TRAPPC8: variants seen among roughly 807,000 people sequenced by gnomAD.
TRAPPC8 encodes the protein general sporulation gene 1 homolog.
TRAPPC8 carries 54 observed loss-of-function variants against 174.3 expected under a neutral mutation model. The observed-to-expected ratio is 0.31, with a 90% CI of 0.25 to 0.39. The LOEUF (loss-of-function observed/expected upper bound fraction) is 0.39, where lower values mean the gene tolerates loss of function less well. TRAPPC8 is among the 10% of genes least tolerant of loss of function. The pLI is 1.00. For missense variants in TRAPPC8, 1,531 were observed against 1,699.1 expected (o/e 0.90, Z 1.74); for synonymous variants, 630 against 579.9 (o/e 1.09, Z -1.24).
At chr18:31,919,000 T>G (rs2037263146) in intron 2 of TRAPPC8, among the ~76,000 whole-genome samples, 1 of 152,184 alleles carries the variant, frequency 6.6e-6, no homozygotes, top group South Asian at 2.1e-4. Context: ...TTCTTTCTGC[T>G]TATATTATAA....
chr18:31,889,228 T>C (rs759956171), intron 12 of TRAPPC8, among the ~76,000 whole-genome samples: 3 of 152,182 alleles, frequency 2.0e-5, no homozygotes, highest in Non-Finnish European at 2.9e-5. Context: ...AAGAGGTGAT[T>C]ACGAAGCCAG....
chr18:31,884,147 C>T (rs1051751420), intron 12 of TRAPPC8, among the ~76,000 whole-genome samples: 3 of 152,152 alleles, frequency 2.0e-5, no homozygotes, highest in South Asian at 4.1e-4. Context: ...CGAGATGGAG[C>T]CACTTCACTG....
intron 2 of TRAPPC8, chr18:31,926,361 C>T (rs1041768789): frequency 1.3e-5 from 2 of 151,930 alleles, no homozygotes; most frequent in East Asian, 3.9e-4. Context: ...TTGAAGGAGC[C>T]ATTGATAAAT....
chr18:31,898,731 G>A (rs1049624837), intron 10 of TRAPPC8, among the ~76,000 whole-genome samples: 5 of 152,112 alleles, frequency 3.3e-5, no homozygotes, highest in Admixed American at 3.3e-4. Flanking sequence ...TGATTTTGTG[G>A]ACTACTACAT....
intron 20 of TRAPPC8, among the ~76,000 whole-genome samples, chr18:31,856,807 C>CTTTTTTTT (rs79712667): frequency 1.8e-5 from 2 of 109,938 alleles, no homozygotes; most frequent in African/African-American, 4.0e-5. Flanking sequence ...ATGCTAAAAT[C>CTTTTTTTT]TTTTTTTTTT....
At chr18:31,873,650 A>G (rs1178739539) in intron 13 of TRAPPC8, 112 bp from the exon 14 acceptor site, 3 of 668,936 alleles carry the variant, frequency 4.5e-6, no homozygotes, top group Non-Finnish European at 7.5e-6. Context: ...CAAGAATATT[A>G]AGATATGTAA....
At chr18:31,892,951 C>T (rs1422752298) in intron 11 of TRAPPC8, among the ~76,000 whole-genome samples, 5 of 149,366 alleles carry the variant, frequency 3.3e-5, no homozygotes, top group South Asian at 4.3e-4. Context: ...TGGGAGGCTG[C>T]GGCTGCAGTG....
rs749972515 is a variant in TRAPPC8, at chr18:31,880,081, G to GAAAA, written c.1729-5381_1729-5378dup. ...TGGTACCAATTTTACTGAAACTATT[G>GAAAA]AAAAAAAAAATATATATATATATAT... On this transcript the variant is annotated intron_variant, in intron 12 of 28. Coordinates refer to ENST00000283351, the MANE Select transcript of TRAPPC8 (RefSeq NM_014939.5). Among the ~76,000 whole-genome samples the GAAAA allele has an allele frequency of 6.4e-3, 337 of 52,608 alleles. 3 individuals are homozygous for GAAAA. The highest frequency in any genetic ancestry group is 0.024 in the African/African-American group (259 of 10,588). 34.5% of individuals were successfully genotyped at this position (52,608 alleles called of 152,430 possible).
At chr18:31,855,609 G>C (rs574488070) in intron 21 of TRAPPC8, 51 bp downstream of exon 21, 2 of 1,521,520 alleles carry the variant, frequency 1.3e-6, no homozygotes, top group South Asian at 2.5e-5. Flanking sequence ...AAACACAAGG[G>C]AAACACTTCA....
intron 20 of TRAPPC8, 31 bp from the exon 21 acceptor site, chr18:31,855,838 T>TTAA (rs1185589439): frequency 6.5e-7 from 1 of 1,541,996 alleles, no homozygotes; most frequent in South Asian, 1.2e-5. Flanking sequence ...AAAAGCACAT[T>TTAA]TAAGCACAGA....
At chr18:31,890,179 C>T (rs1052459530) in intron 12 of TRAPPC8, among the ~76,000 whole-genome samples, 1 of 152,128 alleles carries the variant, frequency 6.6e-6, no homozygotes, top group Non-Finnish European at 1.5e-5. Flanking sequence ...TCTCAGCCTC[C>T]AAGAAAGCTA....
At position 31,935,364 on chromosome 18, in the gene TRAPPC8, C is replaced by CAAAAAAAAA. The variant is rs10646414; in HGVS notation, c.158-3850_158-3842dup. On this transcript the variant is annotated intron_variant, in intron 1 of 28. Coordinates refer to ENST00000283351, the MANE Select transcript of TRAPPC8 (RefSeq NM_014939.5). ...CTCAAAAACAAACAAACAAACAAAC[C>CAAAAAAAAA]AAAAAAAAAACAGGCTTTATAAATA... Among the ~76,000 whole-genome samples, 127 of 108,196 alleles carry CAAAAAAAAA rather than the reference C, an allele frequency of 1.2e-3. 2 individuals are homozygous for CAAAAAAAAA. Among genetic ancestry groups the CAAAAAAAAA allele is most frequent in the Middle Eastern group, 6.3e-3 (1 of 160 alleles). 71.0% of individuals were successfully genotyped at this position (108,196 alleles called of 152,430 possible).
intron 12 of TRAPPC8, among the ~76,000 whole-genome samples, chr18:31,884,332 C>T (rs1460290008): frequency 6.6e-6 from 1 of 152,230 alleles, no homozygotes; most frequent in East Asian, 1.9e-4. Context: ...CTTTATACCA[C>T]TGCACTGGCC....
At chr18:31,933,112 T>C (rs1311870599) in intron 1 of TRAPPC8, among the ~76,000 whole-genome samples, 1 of 150,552 alleles carries the variant, frequency 6.6e-6, no homozygotes, top group Admixed American at 6.6e-5. Context: ...CCATCCTGGC[T>C]AACACGGTGA....
intron 4 of TRAPPC8, among the ~76,000 whole-genome samples, chr18:31,913,857 C>T (rs138118440): frequency 2.6e-5 from 4 of 151,662 alleles, no homozygotes; most frequent in South Asian, 2.1e-4. Flanking sequence ...AACTAGATTG[C>T]GGGGGGAACT....
chr18:31,857,658 G>T lies in TRAPPC8; in HGVS notation c.3070C>A (p.Leu1024Ile). 2 of 1,614,158 alleles carry T rather than the reference G, an allele frequency of 1.2e-6. No homozygotes were observed. The highest frequency in any genetic ancestry group is 1.1e-5 in the South Asian group (1 of 91,078). The change falls in exon 20 of 29, where the codon CTT (leucine) becomes ATT (isoleucine). Residue 1024 changes from leucine (L) to isoleucine (I), a missense_variant. Leu to Ile is a conservative substitution (Grantham distance 5). Transcript: ENST00000283351. Reference sequence around the variant, plus strand: ...AGCTGCACTGAGGCTCCGGGTAGAAGAACAGTGTCAGGAAGGGGAACAGGA... The same window carrying T: ...AGCTGCACTGAGGCTCCGGGTAGAATAACAGTGTCAGGAAGGGGAACAGGA... ...VIPVPLPDTV[L>I]LPGASVQLPM... is the part of the protein sequence containing the mutation.
intron 11 of TRAPPC8, among the ~76,000 whole-genome samples, chr18:31,893,925 C>T (rs148199459): frequency 9.3e-4 from 142 of 152,284 alleles, no homozygotes; most frequent in African/African-American, 3.2e-3. Context: ...GGATGGGCAG[C>T]AATCCTGGAC....
chr18:31,872,179 T>C (rs2034899481), intron 14 of TRAPPC8, among the ~76,000 whole-genome samples: 1 of 152,158 alleles, frequency 6.6e-6, no homozygotes, highest in Non-Finnish European at 1.5e-5. Context: ...CCAACCCCAG[T>C]TATCGATGGG....
chr18:31,872,155 C>T (rs1050969505), intron 14 of TRAPPC8, among the ~76,000 whole-genome samples: 1 of 152,034 alleles, frequency 6.6e-6, no homozygotes, highest in Non-Finnish European at 1.5e-5. Flanking sequence ...TCTATGTGTA[C>T]ACATTATTTA....
Sources: gnomAD v4.1 joint callset for allele counts (sites outside exome capture counted in the v4.1 genomes callset) on GRCh38, gnomAD v4.1.1 for gene constraint, MANE v1.5 for transcripts, NCBI Gene and HGNC (gene_info 2026-07-23, HGNC 2026-07-21) for gene names.